NOS1AP: variants seen among roughly 807,000 people sequenced by gnomAD.
The protein encoded by NOS1AP is carboxyl-terminal PDZ ligand of neuronal nitric oxide synthase protein.
In NOS1AP, 21 loss-of-function variants were observed where a neutral mutation model predicts 56.2. The ratio of observed to expected loss-of-function variants is 0.37; its 90% CI spans 0.26 to 0.54. NOS1AP has a LOEUF of 0.54. NOS1AP is among the 20% of genes least tolerant of loss of function. NOS1AP has a pLI of 0.84. For synonymous variants in NOS1AP, 270 were observed against 274.6 expected, an observed-to-expected ratio of 0.98 and a Z score of 0.17; for missense variants, 522 against 657.8, an observed-to-expected ratio of 0.79 and a Z score of 2.26.
chr1:162,183,747 T>G (rs996851748), intron 2 of NOS1AP, among the ~76,000 whole-genome samples: 2 of 152,242 alleles, frequency 1.3e-5, no homozygotes, highest in Non-Finnish European at 2.9e-5. Context: ...TCTCTCAGCC[T>G]TTATAGAATT....
At chr1:162,328,042 C>A (rs1656649619) in intron 4 of NOS1AP, among the ~76,000 whole-genome samples, 1 of 152,230 alleles carries the variant, frequency 6.6e-6, no homozygotes, top group Non-Finnish European at 1.5e-5. Context: ...CTCAGGCCAG[C>A]AGCTAGAAGA....
At chr1:162,215,675 A>T (rs1282339906) in intron 2 of NOS1AP, among the ~76,000 whole-genome samples, 5 of 152,198 alleles carry the variant, frequency 3.3e-5, no homozygotes, top group Non-Finnish European at 7.3e-5. Context: ...TGTGTCATCC[A>T]GATGGTCTCC....
At chr1:162,172,522 A>G (rs1179667756) in intron 2 of NOS1AP, among the ~76,000 whole-genome samples, 1 of 152,168 alleles carries the variant, frequency 6.6e-6, no homozygotes, top group Non-Finnish European at 1.5e-5. Flanking sequence ...TGTGTTGCCA[A>G]ATTACTTAAC....
chr1:162,074,785 T>C (rs1056383743), intron 1 of NOS1AP, among the ~76,000 whole-genome samples: 4 of 152,178 alleles, frequency 2.6e-5, no homozygotes, highest in African/African-American at 9.6e-5. Context: ...GGCTGGAATG[T>C]TCAAGAAGGC....
chr1:162,365,667 A>ACCTACC, intron 9 of NOS1AP, 98 bp downstream of exon 9: 1 of 1,427,828 alleles, frequency 7.0e-7, no homozygotes, highest in Non-Finnish European at 9.6e-7. Flanking sequence ...TGGACCCCTG[A>ACCTACC]CCTACCCCTA....
Position 162,155,235 on chromosome 1 carries a change from TACATATACATATAC to T in NOS1AP, c.177+765_177+778del, listed in dbSNP as rs1649894442. 1.7e-4 allele frequency among the ~76,000 whole-genome samples: 3 copies of T among 17,330 alleles called. 1 individual carries two copies. Among genetic ancestry groups the T allele is most frequent in the Admixed American group, 3.9e-3 (2 of 508 alleles). 11.4% of individuals were successfully genotyped at this position (17,330 alleles called of 152,430 possible). ...TGTGAAGCCTTTATACATATATATA[TACATATACATATAC>T]ACATACATATATATATACACATACA... On this transcript the variant is annotated intron_variant, in intron 2 of 9. Coordinates refer to ENST00000361897, the MANE Select transcript of NOS1AP (RefSeq NM_014697.3).
chr1:162,148,169 C>T (rs186346076), intron 1 of NOS1AP, among the ~76,000 whole-genome samples: 105 of 152,290 alleles, frequency 6.9e-4, no homozygotes, highest in African/African-American at 2.4e-3. Context: ...CCTCAGATGC[C>T]GGAACACCAG....
chr1:162,314,604 C>T (rs1025203702), intron 4 of NOS1AP, among the ~76,000 whole-genome samples: 11 of 152,198 alleles, frequency 7.2e-5, no homozygotes, highest in African/African-American at 2.7e-4. Flanking sequence ...CACTTCTTTC[C>T]TTGTCTTCTC....
intron 2 of NOS1AP, among the ~76,000 whole-genome samples, chr1:162,171,536 G>A (rs768228981): frequency 3.8e-4 from 58 of 152,178 alleles, no homozygotes; most frequent in Middle Eastern, 3.4e-3. Flanking sequence ...TTCTTCCTGT[G>A]CTTTACTTCT....
chr1:162,294,193 AAGT>A (rs1557866944), intron 3 of NOS1AP, among the ~76,000 whole-genome samples: 1 of 26,630 alleles, frequency 3.8e-5, no homozygotes, highest in Non-Finnish European at 1.7e-4. Context: ...GGAAGGAAGG[AAGT>A]AAGGAAGGAA....
At chr1:162,232,846 G>T (rs1207164318) in intron 2 of NOS1AP, among the ~76,000 whole-genome samples, 1 of 152,068 alleles carries the variant, frequency 6.6e-6, no homozygotes, top group Non-Finnish European at 1.5e-5. Flanking sequence ...TGTCATAAAT[G>T]AACTCATCTA....
intron 2 of NOS1AP, among the ~76,000 whole-genome samples, chr1:162,167,292 G>A (rs2102122366): frequency 6.6e-6 from 1 of 152,378 alleles, no homozygotes. Context: ...ATTCTTTGCA[G>A]CTGTTAATCC....
chr1:162,121,012 G>T (rs143146856), intron 1 of NOS1AP, among the ~76,000 whole-genome samples: 8 of 151,010 alleles, frequency 5.3e-5, no homozygotes, highest in South Asian at 2.1e-4. Flanking sequence ...ACTCAGCTGG[G>T]TGATCACTGC....
chr1:162,180,211 T>A (rs115551104), intron 2 of NOS1AP, among the ~76,000 whole-genome samples: 2,465 of 152,266 alleles, frequency 0.016, 80 homozygotes, highest in African/African-American at 0.056. Context: ...TGTAGCCTCC[T>A]CCATGATGTG....
chr1:162,127,886 A>G (rs1648560310), intron 1 of NOS1AP, among the ~76,000 whole-genome samples: 1 of 152,172 alleles, frequency 6.6e-6, no homozygotes, highest in Non-Finnish European at 1.5e-5. Context: ...ATAGATCCAA[A>G]CCATATCACT....
Position 162,370,296 on chromosome 1 carries a change from T to G in NOS1AP, c.*2829T>G, listed in dbSNP as rs754442125. On this transcript the variant is annotated 3_prime_UTR_variant, in exon 10 of 10. Transcript: ENST00000361897. ...GCGTTGTATTCCTTTTATTTACTCTTTGCTTGACTGCTTCCTCCTAACCCT... is the reference window on the plus strand; with the variant it reads ...GCGTTGTATTCCTTTTATTTACTCTGTGCTTGACTGCTTCCTCCTAACCCT... The G allele has an allele frequency of 3.3e-5, 5 of 152,238 alleles. No individual in the cohort carries two copies. Among genetic ancestry groups the G allele is most frequent in the Non-Finnish European group, 7.3e-5 (5 of 68,060 alleles). The allele number at this position is 152,238 out of a possible 1,614,324, so 9.4% of individuals were successfully genotyped here.
intron 2 of NOS1AP, among the ~76,000 whole-genome samples, chr1:162,205,201 G>A (rs535486338): frequency 5.9e-4 from 90 of 152,318 alleles, no homozygotes; most frequent in Admixed American, 4.0e-3. Flanking sequence ...CATTTATTGA[G>A]CAAACATTTA....
intron 2 of NOS1AP, among the ~76,000 whole-genome samples, chr1:162,254,776 A>G (rs1215738480): frequency 1.3e-5 from 2 of 152,198 alleles, no homozygotes; most frequent in East Asian, 3.8e-4. Context: ...TAAGCTGGGA[A>G]CAGGGCAATG....
intron 2 of NOS1AP, among the ~76,000 whole-genome samples, chr1:162,157,577 GAC>G (rs1650025543): frequency 6.6e-6 from 1 of 152,224 alleles, no homozygotes. Context: ...GGGTTCAGAA[GAC>G]ACAGGCCTTA....
Sources: gnomAD v4.1 joint callset for allele counts (sites outside exome capture counted in the v4.1 genomes callset) on GRCh38, gnomAD v4.1.1 for gene constraint, MANE v1.5 for transcripts, NCBI Gene and HGNC (gene_info 2026-07-23, HGNC 2026-07-21) for gene names.